ZBTB4: variants seen among roughly 807,000 people sequenced by gnomAD.
The protein encoded by ZBTB4 is zinc finger and BTB domain containing 4.
ZBTB4 carries 14 observed loss-of-function variants against 59.8 expected under a neutral mutation model. The observed-to-expected ratio is 0.23, with a 90% CI of 0.15 to 0.37. The LOEUF is 0.37. ZBTB4 is among the 10% of genes least tolerant of loss of function. The pLI, the probability that ZBTB4 is intolerant of heterozygous loss-of-function variation, is 1.00. For synonymous variants in ZBTB4, 587 were observed against 575.2 expected (o/e 1.02, Z -0.29); for missense variants, 1,198 against 1,380.8 (o/e 0.87, Z 2.10).
At chr17:7,482,459 T>G (rs201735151), upstream of ZBTB4, 308 of 1,613,916 alleles carry the variant, frequency 1.9e-4, 1 homozygote, top group Admixed American at 4.7e-4. Context: ...TGGCTACGAC[T>G]GGTGTGGACT....
At chr17:7,481,368 G>A, upstream of ZBTB4, 7 of 1,213,358 alleles carry the variant, frequency 5.8e-6, no homozygotes, top group Non-Finnish European at 6.3e-6. Context: ...AAGAAGCAGA[G>A]TTGGACTCAG....
upstream of ZBTB4, chr17:7,481,365 A>G (rs547614400): frequency 3.8e-5 from 45 of 1,172,870 alleles, 1 homozygote; most frequent in East Asian, 1.2e-3. Context: ...GAAAAGAAGC[A>G]GAGTTGGACT....
chr17:7,483,374 G>GCTCCCCA (rs2070372593), upstream of ZBTB4: 3 of 308,848 alleles, frequency 9.7e-6, no homozygotes, highest in African/African-American at 2.2e-5. Context: ...AGCTGCGGTG[G>GCTCCCCA]GGGAGGGGAG....
At chr17:7,481,326 C>G (rs1003726598), upstream of ZBTB4, 1 of 972,144 alleles carries the variant, frequency 1.0e-6, no homozygotes, top group Admixed American at 4.4e-5. Context: ...GTGGAAACTT[C>G]GTCGCAAACA....
chr17:7,472,844 A>C (rs1452059774), intron 1 of ZBTB4, among the ~76,000 whole-genome samples: 3 of 151,370 alleles, frequency 2.0e-5, no homozygotes, highest in Admixed American at 6.6e-5. Flanking sequence ...GGATCTCTCT[A>C]TGTTGGCCAG....
chr17:7,463,363 A>C lies in ZBTB4; in HGVS notation c.1619T>G (p.Val540Gly). ...AATPTSPATA[V>G]SPATAAGPAM... ...TGGCCCTGCAGCGGTGGCTGGGCTG[A>C]CTGCTGTGGCTGGGCTGGTGGGTGT... Residue 540 changes from valine (V) to glycine (G), a missense_variant, in exon 4 of 4, where the codon GTC becomes GGC. Transcript: ENST00000380599. 4.4e-6 allele frequency: 7 copies of C among 1,606,334 alleles called. No homozygotes were observed. Among genetic ancestry groups the C allele is most frequent in the Non-Finnish European group, 5.9e-6 (7 of 1,176,634 alleles).
At chr17:7,474,220 C>CTTTTTTTTTTTTTT (rs67462449) in intron 1 of ZBTB4, among the ~76,000 whole-genome samples, 2 of 116,118 alleles carry the variant, frequency 1.7e-5, no homozygotes, top group African/African-American at 3.3e-5. Context: ...CATGGCCAGA[C>CTTTTTTTTTTTTTT]TTTTTTTTTT....
upstream of ZBTB4, chr17:7,482,452 C>T (rs758907687): frequency 2.5e-6 from 4 of 1,614,034 alleles, no homozygotes; most frequent in Non-Finnish European, 3.4e-6. Flanking sequence ...GTCTCAGTGG[C>T]TACGACTGGT....
intron 1 of ZBTB4, among the ~76,000 whole-genome samples, chr17:7,475,075 T>C (rs1188027329): frequency 2.7e-5 from 4 of 147,230 alleles, no homozygotes; most frequent in Non-Finnish European, 5.9e-5. Flanking sequence ...TCCCAGCACT[T>C]TGGGAGGCCA....
chr17:7,461,520 G>C lies in ZBTB4; in HGVS notation c.*420C>G, dbSNP rs1386734300. 6.3e-6 allele frequency: 1 copy of C among 159,924 alleles called. No homozygotes were observed. Among genetic ancestry groups the C allele is most frequent in the Non-Finnish European group, 1.4e-5 (1 of 73,196 alleles). 9.9% of individuals were successfully genotyped at this position (159,924 alleles called of 1,614,324 possible). ...ATGTGCTAGGAAGCAACTGGGAAGG[G>C]CTTAGAGAAAGCTTCAGAACAAGGC... On this transcript the variant is annotated 3_prime_UTR_variant, in exon 4 of 4. Coordinates refer to ENST00000380599, the MANE Select transcript of ZBTB4 (RefSeq NM_001128833.2).
intron 1 of ZBTB4, among the ~76,000 whole-genome samples, chr17:7,470,444 A>C (rs868772311): frequency 7.2e-5 from 11 of 152,096 alleles, no homozygotes; most frequent in Non-Finnish European, 1.2e-4. Flanking sequence ...CTGTAATCCC[A>C]GCACTTTGGG....
chr17:7,481,599 A>G, upstream of ZBTB4: 1 of 1,047,782 alleles, frequency 9.5e-7, no homozygotes, highest in Non-Finnish European at 1.3e-6. Context: ...CCTAAAACTT[A>G]GCTGTCTCAG....
At chr17:7,482,288 G>T, upstream of ZBTB4, 1 of 1,614,026 alleles carries the variant, frequency 6.2e-7, no homozygotes. Flanking sequence ...TGACATCCGA[G>T]GCCGGGCCTA....
intron 1 of ZBTB4, among the ~76,000 whole-genome samples, chr17:7,478,863 C>CT (rs1276518617): frequency 1.3e-5 from 2 of 152,172 alleles, no homozygotes; most frequent in African/African-American, 4.8e-5. Context: ...TGCCAGCAAA[C>CT]GGTGGTGCCC....
intron 1 of ZBTB4, among the ~76,000 whole-genome samples, chr17:7,477,903 T>C (rs961182276): frequency 1.3e-5 from 2 of 152,270 alleles, no homozygotes; most frequent in South Asian, 4.1e-4. Context: ...CTGGGCAGGC[T>C]CATGAGGGGC....
At chr17:7,468,046 T>G (rs1397660686) in intron 1 of ZBTB4, among the ~76,000 whole-genome samples, 3 of 152,176 alleles carry the variant, frequency 2.0e-5, no homozygotes, top group Non-Finnish European at 4.4e-5. Context: ...TCACAACTCC[T>G]ACCTCACCTC....
rs71157290 is a variant in ZBTB4 at position 7,472,634 on chromosome 17, C to CTTTTTTT, written c.-80-5314_-80-5308dup. Reference sequence around the variant, plus strand: ...GAGTGAGCCACTGCACCTGGCCATTCTTTTTTTTTTTTTTTTTTTTTTTTT... The same window carrying CTTTTTTT: ...GAGTGAGCCACTGCACCTGGCCATTCTTTTTTTTTTTTTTTTTTTTTTTTTTTTTTTT... On this transcript the variant is annotated intron_variant, in intron 1 of 3. Coordinates refer to ENST00000380599, the MANE Select transcript of ZBTB4 (RefSeq NM_001128833.2). Among the ~76,000 whole-genome samples the CTTTTTTT allele has an allele frequency of 1.0e-3, 73 of 72,928 alleles. 2 individuals are homozygous for CTTTTTTT. Among genetic ancestry groups the CTTTTTTT allele is most frequent in the Non-Finnish European group, 1.2e-3 (54 of 43,500 alleles). 47.8% of individuals were successfully genotyped at this position (72,928 alleles called of 152,430 possible).
At chr17:7,468,557 G>A (rs1213332124) in intron 1 of ZBTB4, among the ~76,000 whole-genome samples, 1 of 152,140 alleles carries the variant, frequency 6.6e-6, no homozygotes, top group Admixed American at 6.6e-5. Context: ...ACACAGCGCT[G>A]GTAATGACAG....
Position 7,463,599 on chromosome 17 carries a change from A to G in ZBTB4, c.1383T>C (p.Pro461=), listed in dbSNP as rs1042948682. 3 of 1,601,302 alleles carry G rather than the reference A, an allele frequency of 1.9e-6. No individual in the cohort carries two copies. Among genetic ancestry groups the G allele is most frequent in the Non-Finnish European group, 1.7e-6 (2 of 1,173,916 alleles). ...AGGGTGGAGGGCCAGGCTCTGGGGC[A>G]GGTGGAGGCCCAGGCGGCGGGCTGG... ...MPASPPPGPP[P]APEPGPPPSV... is the part of the protein sequence containing the mutation. The change falls in exon 4 of 4, where the codon CCT becomes CCC. Residue 461 remains proline (P), a synonymous_variant. Transcript: ENST00000380599.
Sources: gnomAD v4.1 joint callset for allele counts (sites outside exome capture counted in the v4.1 genomes callset) on GRCh38, gnomAD v4.1.1 for gene constraint, MANE v1.5 for transcripts, NCBI Gene and HGNC (gene_info 2026-07-23, HGNC 2026-07-21) for gene names.